Variants in NUFIP1 observed in about 807,000 individuals in gnomAD.
NUFIP1 encodes nuclear FMR1 interacting protein 1, also known as FMR1-interacting protein NUFIP1.
A neutral mutation model predicts 56.2 loss-of-function variants in NUFIP1; 38 were observed. The ratio of observed to expected loss-of-function variants is 0.68; its 90% CI spans 0.52 to 0.89. The LOEUF (loss-of-function observed/expected upper bound fraction) is 0.89. Among genes scored for constraint, NUFIP1 ranks in the 40% least tolerant of loss-of-function variants. The pLI is 0.00. For synonymous variants in NUFIP1, 215 were observed against 212.4 expected, an observed-to-expected ratio of 1.01 and a Z score of -0.10; for missense variants, 567 against 605.8, an observed-to-expected ratio of 0.94 and a Z score of 0.67.
At chr13:44,965,067 CAT>C (rs140487178) in intron 6 of NUFIP1, among the ~76,000 whole-genome samples, 2,754 of 152,294 alleles carry the variant, frequency 0.018, 41 homozygotes, top group Non-Finnish European at 0.027. Flanking sequence ...CACAATCCCA[CAT>C]GTCATGGGAG....
At position 44,976,200 on chromosome 13, in the gene NUFIP1, G is replaced by A. The variant is rs144676684; in HGVS notation, c.734+2990C>T. ...GCAGGATACAATCTTCCATACCATC[G>A]TCATCAGCTCTTTATAATGTACATA... On this transcript the variant is annotated intron_variant, in intron 5 of 9. Transcript: ENST00000379161. Among the ~76,000 whole-genome samples, 152 of 152,220 alleles carry A rather than the reference G, an allele frequency of 1.0e-3. 3 individuals are homozygous for A. The highest frequency in any genetic ancestry group is 8.2e-3 in the Admixed American group (126 of 15,280).
chr13:44,966,591 A>G (rs1871610243), intron 5 of NUFIP1, among the ~76,000 whole-genome samples: 1 of 152,132 alleles, frequency 6.6e-6, no homozygotes, highest in Non-Finnish European at 1.5e-5. Flanking sequence ...CTGGGATTAC[A>G]GGCGTGAACC....
At position 44,941,153 on chromosome 13, in the gene NUFIP1, G is replaced by A. The variant is rs546031630; in HGVS notation, c.*53C>T. Reference sequence around the variant, plus strand: ...AGGGTTTTGGTTTTCCTCTACTAACGAGGATGATACTGTTTCACATGCTTC... The same window carrying A: ...AGGGTTTTGGTTTTCCTCTACTAACAAGGATGATACTGTTTCACATGCTTC... On this transcript the variant is annotated 3_prime_UTR_variant, in exon 10 of 10. Coordinates refer to ENST00000379161, the MANE Select transcript of NUFIP1 (RefSeq NM_012345.3). 18 of 897,076 alleles carry A rather than the reference G, an allele frequency of 2.0e-5. No homozygotes were observed. The highest frequency in any genetic ancestry group is 3.5e-4 in the Middle Eastern group (1 of 2,852). The allele number at this position is 897,076 out of a possible 1,614,324, so 55.6% of individuals were successfully genotyped here. A position where few individuals can be genotyped will look rare whatever the true frequency, so the allele number is the denominator to read the frequency against.
chr13:44,969,041 C>T (rs1025115820), intron 5 of NUFIP1, among the ~76,000 whole-genome samples: 1 of 152,020 alleles, frequency 6.6e-6, no homozygotes, highest in African/African-American at 2.4e-5. Flanking sequence ...TATCATGTTC[C>T]TAAAGGTAAG....
chr13:44,980,965 T>C lies in NUFIP1; in HGVS notation c.496-145A>G, dbSNP rs1027755726. 23 of 559,392 alleles carry C rather than the reference T, an allele frequency of 4.1e-5. No individual in the cohort carries two copies. The African/African-American group carries it at 4.3e-4, about 10-fold the overall frequency. 34.7% of individuals were successfully genotyped at this position (559,392 alleles called of 1,614,324 possible). A position where few individuals can be genotyped will look rare whatever the true frequency, so the allele number is the denominator to read the frequency against. On this transcript the variant is annotated intron_variant, in intron 2 of 9. Coordinates refer to ENST00000379161, the MANE Select transcript of NUFIP1 (RefSeq NM_012345.3). ...GAGAAGCTTGTGAGTATATTTCCAATGAAGAGATTATTCTATTTCTTTCTT... is the reference window on the plus strand; with the variant it reads ...GAGAAGCTTGTGAGTATATTTCCAACGAAGAGATTATTCTATTTCTTTCTT...
intron 7 of NUFIP1, among the ~76,000 whole-genome samples, chr13:44,952,481 A>G (rs1016646070): frequency 1.3e-5 from 2 of 152,234 alleles, no homozygotes; most frequent in African/African-American, 4.8e-5. Flanking sequence ...AATAAAAACA[A>G]AGGGAAATTG....
intron 7 of NUFIP1, among the ~76,000 whole-genome samples, chr13:44,954,394 A>G (rs1255409878): frequency 6.6e-6 from 1 of 152,164 alleles, no homozygotes; most frequent in East Asian, 1.9e-4. Context: ...TTCTTAGACT[A>G]TGAGTTTCTG....
intron 7 of NUFIP1, among the ~76,000 whole-genome samples, chr13:44,951,402 C>A (rs529372273): frequency 3.9e-5 from 6 of 152,308 alleles, no homozygotes; most frequent in East Asian, 1.9e-4. Context: ...ATTTGAGTAA[C>A]CTTTCCTTAA....
At chr13:44,972,074 T>C (rs1452219013) in intron 5 of NUFIP1, among the ~76,000 whole-genome samples, 2 of 152,212 alleles carry the variant, frequency 1.3e-5, no homozygotes, top group African/African-American at 2.4e-5. Context: ...CTTATCTTGA[T>C]TTAAAACTAT....
intron 6 of NUFIP1, among the ~76,000 whole-genome samples, chr13:44,960,393 C>T (rs374965303): frequency 2.0e-5 from 3 of 151,870 alleles, no homozygotes; most frequent in South Asian, 2.1e-4. Flanking sequence ...CTCAGCCTCC[C>T]GAGTAGCTGG....
chr13:44,976,546 T>C (rs1436007719), intron 5 of NUFIP1, among the ~76,000 whole-genome samples: 3 of 152,034 alleles, frequency 2.0e-5, no homozygotes, highest in Admixed American at 2.0e-4. Flanking sequence ...AAACAAAACA[T>C]TTTTTAAAAA....
intron 1 of NUFIP1, among the ~76,000 whole-genome samples, chr13:44,986,948 T>C (rs1026923468): frequency 1.3e-5 from 2 of 152,062 alleles, no homozygotes; most frequent in Admixed American, 6.6e-5. Flanking sequence ...CAGCCTCCCA[T>C]GCTTCTAGGA....
rs1329487073 is a variant in NUFIP1 at position 44,965,897 on chromosome 13, C to T, written c.774G>A (p.Lys258=). 4.1e-6 allele frequency: 6 copies of T among 1,468,654 alleles called. No homozygotes were observed. The South Asian group carries it at 7.0e-5, about 17-fold the overall frequency. The allele number at this position is 1,468,654 out of a possible 1,614,324, so 91.0% of individuals were successfully genotyped here. The change falls in exon 6 of 10, where the codon AAG becomes AAA. Residue 258 remains lysine, a synonymous_variant. Transcript: ENST00000379161. ...CTCTCTTCTCCTTTTCAAGTTTTAA[C>T]TTCTTCTTCCTTTCAATATTGGCCA... The part of the protein sequence containing the change: ...PTLANIERKK[K]LKLEKEKRGA...
intron 5 of NUFIP1, among the ~76,000 whole-genome samples, chr13:44,978,599 A>C (rs990698961): frequency 9.2e-5 from 14 of 152,338 alleles, no homozygotes; most frequent in Non-Finnish European, 1.8e-4. Context: ...CACAGGTTAC[A>C]TGGTGATGCT....
At chr13:44,967,511 GA>G (rs973393367) in intron 5 of NUFIP1, among the ~76,000 whole-genome samples, 18 of 141,612 alleles carry the variant, frequency 1.3e-4, no homozygotes, top group East Asian at 4.0e-4. Flanking sequence ...CTGTCTCACA[GA>G]AAAAAAAAAA....
chr13:44,947,586 CTCAAAGATCCCTTCCAGTT>C (rs1870942115), intron 8 of NUFIP1, among the ~76,000 whole-genome samples: 1 of 152,078 alleles, frequency 6.6e-6, no homozygotes, highest in African/African-American at 2.4e-5. Context: ...AAGAGGTGAT[CTCAAAGATCCCTTCCAGTT>C]TCCTTTCTTC....
At chr13:44,950,480 G>A (rs1871053174) in intron 7 of NUFIP1, among the ~76,000 whole-genome samples, 1 of 152,114 alleles carries the variant, frequency 6.6e-6, no homozygotes. Context: ...TGAGTAGCTG[G>A]GATCACAGGC....
chr13:44,980,021 A>T, intron 3 of NUFIP1, 69 bp from the exon 4 acceptor site: 4 of 1,044,844 alleles, frequency 3.8e-6, no homozygotes, highest in Non-Finnish European at 5.7e-6. Flanking sequence ...ACCCCACTAT[A>T]CATACACAGA....
At chr13:44,979,363 C>G in intron 4 of NUFIP1, 97 bp from the exon 5 acceptor site, 1 of 950,714 alleles carries the variant, frequency 1.1e-6, no homozygotes, top group African/African-American at 1.6e-5. Flanking sequence ...ATGTTGGACA[C>G]AATTTTAAAA....
Sources: allele counts gnomAD v4.1 joint callset (sites outside exome capture counted in the v4.1 genomes callset), GRCh38; gene constraint gnomAD v4.1.1; transcripts MANE v1.5; gene names NCBI Gene and HGNC (gene_info 2026-07-23, HGNC 2026-07-21).